The following ZNF385B variants were observed in gnomAD, a reference collection of about 807,000 sequenced individuals.
ZNF385B encodes the protein zinc finger protein 533.
ZNF385B carries 23 observed loss-of-function variants against 39.2 expected under a neutral mutation model. That is an observed-to-expected ratio of 0.59 (90% CI 0.42 to 0.83). The LOEUF is 0.83. Among genes scored for constraint, ZNF385B ranks in the 40% least tolerant of loss-of-function variants. ZNF385B has a pLI of 0.00. For missense variants in ZNF385B, 552 were observed against 598.9 expected, an observed-to-expected ratio of 0.92 and a Z score of 0.82; for synonymous variants, 205 against 222.6, an observed-to-expected ratio of 0.92 and a Z score of 0.70.
Position 179,521,353 on chromosome 2 carries a change from G to GTTTTTTT in ZNF385B, c.442-2722_442-2716dup, listed in dbSNP as rs56392185. On this transcript the variant is annotated intron_variant, in intron 4 of 9. Coordinates refer to ENST00000410066, the MANE Select transcript of ZNF385B (RefSeq NM_152520.6). Reference sequence around the variant, plus strand: ...AGGCACCCACCACCGCACCTGGCCAGTTTTTTTTTTTTTTTTTTGTATTTT... The same window carrying GTTTTTTT: ...AGGCACCCACCACCGCACCTGGCCAGTTTTTTTTTTTTTTTTTTTTTTTTTGTATTTT... 8.5e-4 allele frequency among the ~76,000 whole-genome samples: 92 copies of GTTTTTTT among 108,140 alleles called. 2 individuals carry two copies. The highest frequency in any genetic ancestry group is 2.5e-3 in the South Asian group (7 of 2,784). The allele number at this position is 108,140 out of a possible 152,430, so 70.9% of individuals were successfully genotyped here. A position where few individuals can be genotyped will look rare whatever the true frequency, so the allele number is the denominator to read the frequency against.
At chr2:179,817,148 T>C (rs1182652758) in intron 1 of ZNF385B, among the ~76,000 whole-genome samples, 2 of 152,222 alleles carry the variant, frequency 1.3e-5, no homozygotes, top group Non-Finnish European at 2.9e-5. Flanking sequence ...CACCTTTTCA[T>C]TGTCTCCTAT....
intron 6 of ZNF385B, among the ~76,000 whole-genome samples, chr2:179,448,739 T>G (rs1025814298): frequency 5.9e-5 from 9 of 152,084 alleles, no homozygotes; most frequent in Non-Finnish European, 1.3e-4. Flanking sequence ...AGCATGATGT[T>G]TTCTCTAACT....
chr2:179,633,853 A>G (rs1310831461), intron 3 of ZNF385B, among the ~76,000 whole-genome samples: 1 of 152,240 alleles, frequency 6.6e-6, no homozygotes, highest in East Asian at 1.9e-4. Context: ...CTGGTACCAA[A>G]ACAGAGATAT....
intron 1 of ZNF385B, among the ~76,000 whole-genome samples, chr2:179,836,597 C>A (rs530050178): frequency 3.4e-4 from 50 of 145,664 alleles, no homozygotes; most frequent in Admixed American, 9.3e-4. Flanking sequence ...CGGCTCACTG[C>A]AAGCTCCGCT....
Position 179,681,124 on chromosome 2 carries a change from G to T in ZNF385B, c.298+88379C>A, listed in dbSNP as rs763100785. ...ACTTTTGATTCTAACTAGACTCATT[G>T]TGAGTCTTCAAAACTGGCATTGATA... On this transcript the variant is annotated intron_variant, in intron 3 of 9. Coordinates refer to ENST00000410066, the MANE Select transcript of ZNF385B (RefSeq NM_152520.6). Among the ~76,000 whole-genome samples, 6 of 131,300 alleles carry T rather than the reference G, an allele frequency of 4.6e-5. No homozygotes were observed. The South Asian group carries it at 9.9e-4, about 22-fold the overall frequency. 86.1% of individuals were successfully genotyped at this position (131,300 alleles called of 152,430 possible). A position where few individuals can be genotyped will look rare whatever the true frequency, so the allele number is the denominator to read the frequency against.
In ZNF385B at chr2:179,547,634, C is replaced by T. The variant is rs771270329; in HGVS notation, c.299-2665G>A. ...GTTACTATAGCTCTGCAGAATAATT[C>T]GAAGTCAGGTAATGTGATTCCTCCA... is the stretch of plus-strand genomic sequence containing the variant. On this transcript the variant is annotated intron_variant, in intron 3 of 9. Coordinates refer to ENST00000410066, the MANE Select transcript of ZNF385B (RefSeq NM_152520.6). 4.0e-5 allele frequency among the ~76,000 whole-genome samples: 6 copies of T among 149,136 alleles called. 1 individual carries two copies. Among genetic ancestry groups the T allele is most frequent in the African/African-American group, 7.6e-5 (3 of 39,500 alleles).
At chr2:179,544,306 G>T (rs2060094933) in intron 4 of ZNF385B, among the ~76,000 whole-genome samples, 1 of 152,178 alleles carries the variant, frequency 6.6e-6, no homozygotes, top group South Asian at 2.1e-4. Flanking sequence ...GATTTAAAAT[G>T]AGTGTTTTTC....
intron 1 of ZNF385B, among the ~76,000 whole-genome samples, chr2:179,821,923 CTGAGA>C (rs564968441): frequency 1.0e-3 from 154 of 152,210 alleles, no homozygotes; most frequent in African/African-American, 3.7e-3. Flanking sequence ...AGAGACAAAG[CTGAGA>C]TAATTCATTA....
chr2:179,729,296 G>T (rs1419171835), intron 3 of ZNF385B, among the ~76,000 whole-genome samples: 2 of 152,110 alleles, frequency 1.3e-5, no homozygotes, highest in East Asian at 3.9e-4. Context: ...ACAATCAACA[G>T]AACTTTCCTG....
intron 3 of ZNF385B, among the ~76,000 whole-genome samples, chr2:179,552,747 T>C (rs2060656058): frequency 6.7e-6 from 1 of 149,206 alleles, no homozygotes; most frequent in Non-Finnish European, 1.5e-5. Flanking sequence ...GAGGTGGCTA[T>C]ATGAATAGGG....
chr2:179,704,014 G>A (rs1699404594), intron 3 of ZNF385B, among the ~76,000 whole-genome samples: 1 of 152,190 alleles, frequency 6.6e-6, no homozygotes, highest in Non-Finnish European at 1.5e-5. Flanking sequence ...TCACAGGCTA[G>A]AGAGACACTG....
At chr2:179,551,992 A>C (rs2060605831) in intron 3 of ZNF385B, among the ~76,000 whole-genome samples, 1 of 136,248 alleles carries the variant, frequency 7.3e-6, no homozygotes. Flanking sequence ...GGTAAAATAC[A>C]AGTTGATTCA....
intron 3 of ZNF385B, among the ~76,000 whole-genome samples, chr2:179,612,296 C>G (rs889002870): frequency 6.6e-6 from 1 of 152,118 alleles, no homozygotes; most frequent in Non-Finnish European, 1.5e-5. Context: ...TTGCCAGTGT[C>G]TGGTATTTAA....
intron 1 of ZNF385B, among the ~76,000 whole-genome samples, chr2:179,792,375 C>CTTTTTTTTTTTTTTT (rs374147864): frequency 1.6e-4 from 20 of 124,104 alleles, no homozygotes; most frequent in African/African-American, 2.8e-4. Context: ...ATTTTCTTTT[C>CTTTTTTTTTTTTTTT]TTTTTTTTTT....
chr2:179,631,453 T>C (rs1010913605), intron 3 of ZNF385B, among the ~76,000 whole-genome samples: 1 of 152,138 alleles, frequency 6.6e-6, no homozygotes, highest in Non-Finnish European at 1.5e-5. Context: ...TAAAATCCTT[T>C]ACAGACAAGC....
chr2:179,466,576 C>CATTTGTGTT (rs889943639), intron 6 of ZNF385B, among the ~76,000 whole-genome samples: 1 of 151,978 alleles, frequency 6.6e-6, no homozygotes, highest in African/African-American at 2.4e-5. Context: ...ATACAATATC[C>CATTTGTGTT]ATTTGTGTTA....
At chr2:179,814,294 A>G in intron 1 of ZNF385B, 1 of 235,842 alleles carries the variant, frequency 4.2e-6, no homozygotes, top group Admixed American at 5.4e-5. Context: ...TGGCAGGTGG[A>G]CCAGGCCATC....
chr2:179,609,740 T>G (rs1689132959), intron 3 of ZNF385B, among the ~76,000 whole-genome samples: 1 of 152,232 alleles, frequency 6.6e-6, no homozygotes, highest in South Asian at 2.1e-4. Context: ...CCAGCATTTG[T>G]TCTTGCCTGT....
intron 3 of ZNF385B, among the ~76,000 whole-genome samples, chr2:179,665,139 C>T (rs1694979088): frequency 2.0e-5 from 3 of 152,132 alleles, no homozygotes; most frequent in South Asian, 4.1e-4. Flanking sequence ...TGTGCAAGCA[C>T]GTGGACTAAA....
Sources: allele counts gnomAD v4.1 joint callset (sites outside exome capture counted in the v4.1 genomes callset), GRCh38; gene constraint gnomAD v4.1.1; transcripts MANE v1.5; gene names NCBI Gene and HGNC (gene_info 2026-07-23, HGNC 2026-07-21).